CDC42BPA: variants seen among roughly 807,000 people sequenced by gnomAD.
CDC42BPA encodes the protein serine/threonine-protein kinase MRCK alpha.
Under a neutral mutation model 223.5 loss-of-function variants are expected in CDC42BPA, and 80 were observed. The ratio of observed to expected loss-of-function variants is 0.36; its 90% CI spans 0.30 to 0.43. The LOEUF (loss-of-function observed/expected upper bound fraction) is 0.43. Among genes scored for constraint, CDC42BPA ranks in the 20% least tolerant of loss-of-function variants. The pLI, the probability that CDC42BPA is intolerant of heterozygous loss-of-function variation, is 1.00. For synonymous variants in CDC42BPA, 694 were observed against 718.6 expected, an observed-to-expected ratio of 0.97 and a Z score of 0.55; for missense variants, 1,743 against 2,099.9, an observed-to-expected ratio of 0.83 and a Z score of 3.32.
intron 2 of CDC42BPA, among the ~76,000 whole-genome samples, chr1:227,228,655 A>G (rs945142360): frequency 6.8e-6 from 1 of 146,466 alleles, no homozygotes; most frequent in Admixed American, 7.0e-5. Flanking sequence ...CCAGCAATGC[A>G]TAAGCTTTCC....
intron 16 of CDC42BPA, among the ~76,000 whole-genome samples, chr1:227,086,757 C>T (rs1289078746): frequency 6.6e-6 from 1 of 150,822 alleles, no homozygotes; most frequent in African/African-American, 2.4e-5. Context: ...GCCTTGACTT[C>T]CTGGACTCAC....
intron 15 of CDC42BPA, among the ~76,000 whole-genome samples, chr1:227,095,717 G>A (rs186623406): frequency 6.6e-6 from 1 of 151,760 alleles, no homozygotes; most frequent in Non-Finnish European, 1.5e-5. Context: ...TCAGCCTCTG[G>A]AGTAGCTGGG....
chr1:227,299,580 A>G (rs1399409159), intron 1 of CDC42BPA, among the ~76,000 whole-genome samples: 1 of 152,186 alleles, frequency 6.6e-6, no homozygotes, highest in Non-Finnish European at 1.5e-5. Context: ...TCTGCTTTAA[A>G]TTCTATTGAT....
chr1:227,148,761 G>C (rs1487134146), intron 6 of CDC42BPA, among the ~76,000 whole-genome samples: 23 of 63,488 alleles, frequency 3.6e-4, no homozygotes, highest in African/African-American at 1.1e-3. Context: ...AGCAAGACTC[G>C]GTCTCAAAAG....
chr1:227,115,230 A>G (rs1246906729), intron 12 of CDC42BPA, among the ~76,000 whole-genome samples: 1 of 152,126 alleles, frequency 6.6e-6, no homozygotes, highest in Non-Finnish European at 1.5e-5. Flanking sequence ...TAGTAGAAAC[A>G]CATCCATATA....
chr1:227,295,761 C>T (rs1690544138), intron 1 of CDC42BPA, among the ~76,000 whole-genome samples: 2 of 152,166 alleles, frequency 1.3e-5, no homozygotes, highest in African/African-American at 4.8e-5. Context: ...GGCCCTCATG[C>T]CCTCATCATC....
rs748851308 is a variant in CDC42BPA at position 227,040,111 on chromosome 1, TCTTTC to T, written c.3199+15_3199+19del. The T allele has an allele frequency of 7.2e-7, 1 of 1,379,368 alleles. No individual in the cohort carries two copies. Among genetic ancestry groups the T allele is most frequent in the South Asian group, 1.2e-5 (1 of 86,100 alleles). The allele number at this position is 1,379,368 out of a possible 1,614,324, so 85.4% of individuals were successfully genotyped here. A position where few individuals can be genotyped will look rare whatever the true frequency, so the allele number is the denominator to read the frequency against. ...CAATTTAGATAGTGAAGTCACATTTTCTTTCCTTTGTGTTCTTACCTTCACATGAA... is the reference window on the plus strand; with the variant it reads ...CAATTTAGATAGTGAAGTCACATTTTCTTTGTGTTCTTACCTTCACATGAA... On this transcript the variant is annotated intron_variant, in intron 24 of 36. Coordinates refer to ENST00000366766, the MANE Select transcript of CDC42BPA (RefSeq NM_001394014.1).
intron 5 of CDC42BPA, among the ~76,000 whole-genome samples, chr1:227,189,262 T>A (rs1669328286): frequency 6.6e-6 from 1 of 152,060 alleles, no homozygotes; most frequent in African/African-American, 2.4e-5. Context: ...CACAAAAGCT[T>A]ATGAAAAATA....
chr1:227,172,696 G>A (rs1402236984), intron 5 of CDC42BPA, among the ~76,000 whole-genome samples: 1 of 151,868 alleles, frequency 6.6e-6, no homozygotes, highest in East Asian at 1.9e-4. Context: ...AAAGGTACAT[G>A]GGACCTTTCT....
intron 5 of CDC42BPA, among the ~76,000 whole-genome samples, chr1:227,177,991 T>C (rs888755243): frequency 2.6e-5 from 4 of 152,226 alleles, no homozygotes; most frequent in African/African-American, 9.6e-5. Context: ...CATTTGTTTC[T>C]TTTATAGTTT....
chr1:227,237,760 G>C (rs566939533), intron 2 of CDC42BPA, among the ~76,000 whole-genome samples: 1 of 152,202 alleles, frequency 6.6e-6, no homozygotes, highest in South Asian at 2.1e-4. Context: ...AGTTTTATTG[G>C]CCAGGCGCGG....
intron 3 of CDC42BPA, among the ~76,000 whole-genome samples, chr1:227,212,342 C>T (rs538325992): frequency 6.6e-6 from 1 of 152,194 alleles, no homozygotes; most frequent in South Asian, 2.1e-4. Context: ...TTTCTAAAGG[C>T]GAATTTGTCA....
intron 11 of CDC42BPA, among the ~76,000 whole-genome samples, chr1:227,126,399 G>C (rs1424893473): frequency 6.6e-6 from 1 of 151,476 alleles, no homozygotes. Context: ...TTTTGTTCAG[G>C]CCTCTGGTGG....
chr1:227,158,471 T>C (rs1342328301), intron 6 of CDC42BPA, among the ~76,000 whole-genome samples: 1 of 152,216 alleles, frequency 6.6e-6, no homozygotes, highest in Non-Finnish European at 1.5e-5. Flanking sequence ...ACAATTCTTA[T>C]GTAAGCACAT....
intron 15 of CDC42BPA, among the ~76,000 whole-genome samples, chr1:227,098,658 A>G (rs1041072366): frequency 6.6e-6 from 1 of 151,914 alleles, no homozygotes; most frequent in African/African-American, 2.4e-5. Context: ...ATACATTGCT[A>G]TCTTTACCTT....
intron 5 of CDC42BPA, among the ~76,000 whole-genome samples, chr1:227,167,328 T>C (rs1183650780): frequency 6.6e-6 from 1 of 152,180 alleles, no homozygotes; most frequent in Admixed American, 6.5e-5. Flanking sequence ...TTTTTGGCTT[T>C]CCCTTTCCCT....
At chr1:227,166,630 T>G (rs748979494) in intron 5 of CDC42BPA, among the ~76,000 whole-genome samples, 9 of 152,158 alleles carry the variant, frequency 5.9e-5, no homozygotes, top group Non-Finnish European at 1.2e-4. Flanking sequence ...ATAAGAAAAA[T>G]GTTTGGGGCA....
rs1054708460 is a variant in CDC42BPA, at chr1:227,091,989, T to C, written c.2252A>G (p.Gln751Arg). The change falls in exon 16 of 37, where the codon CAA (glutamine) becomes CGA (arginine). Residue 751 changes from glutamine (Q) to arginine (R), a missense_variant and splice_region_variant. Gln to Arg is a conservative substitution (Grantham distance 43, BLOSUM62 1). Coordinates refer to ENST00000366766, the MANE Select transcript of CDC42BPA (RefSeq NM_001394014.1). ...DKLEKTRRESQSEREEFESEF... is the reference protein window; with the variant it reads ...DKLEKTRRESRSEREEFESEF... Reference sequence around the variant, plus strand: ...ACTTTCAAATTCCTCCCTTTCACTTTGACTAACACAATTCAAAACACAAAA... The same window carrying C: ...ACTTTCAAATTCCTCCCTTTCACTTCGACTAACACAATTCAAAACACAAAA... The C allele has an allele frequency of 1.9e-6, 3 of 1,549,766 alleles. No individual in the cohort carries two copies. Among genetic ancestry groups the C allele is most frequent in the Non-Finnish European group, 2.6e-6 (3 of 1,134,766 alleles).
chr1:227,213,085 C>A, intron 3 of CDC42BPA, 51 bp downstream of exon 3: 1 of 943,074 alleles, frequency 1.1e-6, no homozygotes, highest in Non-Finnish European at 1.6e-6. Flanking sequence ...TTTATAATTC[C>A]TGAAAAATAT....
Sources: allele counts gnomAD v4.1 joint callset (sites outside exome capture counted in the v4.1 genomes callset), GRCh38; gene constraint gnomAD v4.1.1; transcripts MANE v1.5; gene names NCBI Gene and HGNC (gene_info 2026-07-23, HGNC 2026-07-21).